Variants in CLCN7 observed in about 807,000 individuals in gnomAD.
CLCN7 encodes the protein H(+)/Cl(-) exchange transporter 7.
Under a neutral mutation model 102.1 loss-of-function variants are expected in CLCN7, and 60 were observed. The observed-to-expected ratio is 0.59, with a 90% confidence interval of 0.48 to 0.73. The LOEUF (loss-of-function observed/expected upper bound fraction) is 0.73, where lower values mean the gene tolerates loss of function less well. CLCN7 is among the 30% of genes least tolerant of loss of function. The pLI, the probability that CLCN7 is intolerant of heterozygous loss-of-function variation, is 0.00. For missense variants in CLCN7, 962 were observed against 1,125.7 expected, an observed-to-expected ratio of 0.85 and a Z score of 2.08; for synonymous variants, 560 against 490.5, an observed-to-expected ratio of 1.14 and a Z score of -1.87.
intron 12 of CLCN7, among the ~76,000 whole-genome samples, 196 bp from the exon 13 acceptor site, chr16:1,454,661 G>T (rs1283578437): frequency 6.6e-6 from 1 of 152,236 alleles, no homozygotes; most frequent in Admixed American, 6.5e-5. Flanking sequence ...GCCTGGCGGG[G>T]TGGCCAGCGA....
intron 9 of CLCN7, among the ~76,000 whole-genome samples, chr16:1,456,499 A>G (rs1176713557): frequency 1.3e-5 from 2 of 152,220 alleles, no homozygotes; most frequent in Non-Finnish European, 2.9e-5. Flanking sequence ...GCACGGATGG[A>G]AACCCAGCCT....
At position 1,457,399 on chromosome 16, in the gene CLCN7, A is replaced by G; in HGVS notation, c.739-62T>C. 6.8e-7 allele frequency: 1 copy of G among 1,470,562 alleles called. No individual in the cohort carries two copies. The highest frequency in any genetic ancestry group is 9.4e-7 in the Non-Finnish European group (1 of 1,058,528). 91.1% of individuals were successfully genotyped at this position (1,470,562 alleles called of 1,614,324 possible). A position where few individuals can be genotyped will look rare whatever the true frequency, so the allele number is the denominator to read the frequency against. ...TGACGCGGCCCTTCCTGGAGACCAG[A>G]AGGACCGATGCTCAGAGACACGCGT... On this transcript the variant is annotated intron_variant, in intron 8 of 24. Coordinates refer to ENST00000382745, the MANE Select transcript of CLCN7 (RefSeq NM_001287.6). This position sits in a 1 kb window ranked among gnomAD's most constrained non-coding sequence, Gnocchi z 5.4.
At chr16:1,470,117 C>T (rs141468632) in intron 1 of CLCN7, among the ~76,000 whole-genome samples, 2 of 152,340 alleles carry the variant, frequency 1.3e-5, no homozygotes, top group African/African-American at 4.8e-5. Flanking sequence ...ACACTAAGAG[C>T]GTGCTCAACC....
chr16:1,464,972 C>G (rs564701907), intron 2 of CLCN7, among the ~76,000 whole-genome samples: 18 of 152,198 alleles, frequency 1.2e-4, no homozygotes, highest in East Asian at 1.9e-4. Context: ...CACTGCCCCC[C>G]CAAGATCCCT....
chr16:1,464,808 C>T (rs558646099), intron 2 of CLCN7, among the ~76,000 whole-genome samples: 5 of 152,216 alleles, frequency 3.3e-5, no homozygotes, highest in Non-Finnish European at 7.4e-5. Flanking sequence ...GGGGAAAAAC[C>T]GAGGCCGGCG....
At chr16:1,461,293 AGAG>A in intron 4 of CLCN7, 109 bp downstream of exon 4, 6 of 941,328 alleles carry the variant, frequency 6.4e-6, no homozygotes. Context: ...AGGCGGAGTC[AGAG>A]GAGGAGGGAG....
chr16:1,448,671 G>A lies in CLCN7; in HGVS notation c.1883+10C>T, dbSNP rs749814550. ...ACCCTCCCCACCCACAGGTGTCCTG[G>A]GCGCTGTACCTGGCAGTGAGTGAGT... is the stretch of plus-strand genomic sequence containing the variant. On this transcript the variant is annotated intron_variant, in intron 20 of 24. Transcript: ENST00000382745. 6.2e-7 allele frequency: 1 copy of A among 1,612,488 alleles called. No individual in the cohort carries two copies. The highest frequency in any genetic ancestry group is 1.1e-5 in the South Asian group (1 of 91,084).
rs184170200 is a variant in CLCN7, at chr16:1,450,743, C to T, written c.1448-77G>A. 6.2e-5 allele frequency: 81 copies of T among 1,300,020 alleles called. 7 individuals carry two copies. The East Asian group carries it at 1.4e-3, about 22-fold the overall frequency. The allele number at this position is 1,300,020 out of a possible 1,614,324, so 80.5% of individuals were successfully genotyped here. ...ACTGCCCTGCCCCGCTGCCCAGTCT[C>T]GGGCCTCACAGTCACCTTCCAGGAG... is the stretch of plus-strand genomic sequence containing the variant. On this transcript the variant is annotated intron_variant, in intron 16 of 24. Transcript: ENST00000382745.
chr16:1,447,692 A>C lies in CLCN7; in HGVS notation c.2036T>G (p.Ile679Ser). 6.4e-7 allele frequency: 1 copy of C among 1,556,572 alleles called. No homozygotes were observed. The highest frequency in any genetic ancestry group is 1.2e-5 in the South Asian group (1 of 84,464). Residue 679 changes from isoleucine to serine, a missense_variant, in exon 22 of 25, where the codon ATC becomes AGC. This residue lies in a region of CLCN7 where 799 missense variants were observed against 988.0 expected (regional missense o/e 0.81). Coordinates refer to ENST00000382745, the MANE Select transcript of CLCN7 (RefSeq NM_001287.6). Reference protein sequence around the residue: ...DTQPARLQGLILRSQLIVLLK... With the variant: ...DTQPARLQGLSLRSQLIVLLK... ...GAGAACGATGAGCTGGGAGCGCAGG[A>C]TCAGGCCCTGGAGCCGGGCAGGCTG... is the stretch of plus-strand genomic sequence containing the variant.
In CLCN7 at chr16:1,446,401, G is replaced by T. The variant is rs899177207; in HGVS notation, c.*230C>A. ...TAAAGAAACCTAGACGAGGAGAGTG[G>T]AGGCTGGGCCTGCGCAAGGAGGCGC... On this transcript the variant is annotated 3_prime_UTR_variant, in exon 25 of 25. Coordinates refer to ENST00000382745, the MANE Select transcript of CLCN7 (RefSeq NM_001287.6). 2 of 702,420 alleles carry T rather than the reference G, an allele frequency of 2.8e-6. No homozygotes were observed. The highest frequency in any genetic ancestry group is 5.2e-6 in the Non-Finnish European group (2 of 384,860). The allele number at this position is 702,420 out of a possible 1,614,324, so 43.5% of individuals were successfully genotyped here.
At chr16:1,447,318 T>G in intron 23 of CLCN7, 74 bp downstream of exon 23, 2 of 1,096,016 alleles carry the variant, frequency 1.8e-6, no homozygotes, top group Non-Finnish European at 2.5e-6. Flanking sequence ...CGGCTGCCCC[T>G]CCCCGAGGCT....
In CLCN7 at chr16:1,457,768, G is replaced by A. The variant is rs777567412; in HGVS notation, c.676-12C>T. The A allele has an allele frequency of 4.3e-6, 7 of 1,613,258 alleles. No homozygotes were observed. The highest frequency in any genetic ancestry group is 5.9e-6 in the Non-Finnish European group (7 of 1,179,484). On this transcript the variant is annotated splice_polypyrimidine_tract_variant and intron_variant, in intron 7 of 24. Transcript: ENST00000382745. This position sits in a 1 kb window ranked among gnomAD's most constrained non-coding sequence, Gnocchi z 5.4. Reference sequence around the variant, plus strand: ...TTGATCACCAACGTCTGAAACACAGGGAGACGCATGGCCTCTGATGAAAAG... The same window carrying A: ...TTGATCACCAACGTCTGAAACACAGAGAGACGCATGGCCTCTGATGAAAAG...
chr16:1,456,772 T>C (rs1451455142), intron 9 of CLCN7, among the ~76,000 whole-genome samples: 2 of 148,084 alleles, frequency 1.4e-5, no homozygotes, highest in East Asian at 4.0e-4. Flanking sequence ...ACCTGGGAGG[T>C]GGAGGCTGCA....
intron 15 of CLCN7, chr16:1,451,923 G>A: frequency 1.7e-6 from 1 of 595,004 alleles, no homozygotes; most frequent in Non-Finnish European, 3.1e-6. Context: ...CGGAGGGAAA[G>A]GAGGACACAC....
chr16:1,448,802 C>T (rs1280329253), intron 19 of CLCN7, 36 bp from the exon 20 acceptor site: 5 of 1,604,474 alleles, frequency 3.1e-6, no homozygotes, highest in Non-Finnish European at 3.4e-6. Context: ...CTTGAGGAGT[C>T]CACACCCACC....
At chr16:1,447,156 G>A in intron 23 of CLCN7, 70 bp from the exon 24 acceptor site, 1 of 1,432,788 alleles carries the variant, frequency 7.0e-7, no homozygotes, top group Non-Finnish European at 9.5e-7. Flanking sequence ...ACCCAAGCTG[G>A]CTCCCTGCAC....
chr16:1,453,758 A>G (rs930767000), intron 14 of CLCN7, 76 bp downstream of exon 14: 6 of 1,389,564 alleles, frequency 4.3e-6, no homozygotes, highest in South Asian at 2.3e-5. Context: ...TGTAAACCCC[A>G]TTCCACCACG....
At position 1,461,586 on chromosome 16, in the gene CLCN7, G is replaced by T. The variant is rs2038937986; in HGVS notation, c.285+17C>A. 6.2e-7 allele frequency: 1 copy of T among 1,613,586 alleles called. No individual in the cohort carries two copies. The highest frequency in any genetic ancestry group is 8.5e-7 in the Non-Finnish European group (1 of 1,179,554). On this transcript the variant is annotated intron_variant, in intron 3 of 24. Transcript: ENST00000382745. ...AGAGGCCGGGTCTCAGGGTCAGGGG[G>T]ACAGAAGGACGCCCACCTCATACTT...
chr16:1,450,951 G>A (rs2038738537), intron 16 of CLCN7, among the ~76,000 whole-genome samples: 1 of 152,238 alleles, frequency 6.6e-6, no homozygotes, highest in South Asian at 2.1e-4. Context: ...GGGTCTAGCA[G>A]CGCCAGGTCT....
Sources: gnomAD v4.1 joint callset for allele counts (sites outside exome capture counted in the v4.1 genomes callset) on GRCh38, gnomAD v4.1.1 for gene constraint, gnomAD v4.1.1 regional missense constraint, Gnocchi (gnomAD v3.1) non-coding constraint, MANE v1.5 for transcripts, NCBI Gene and HGNC (gene_info 2026-07-23, HGNC 2026-07-21) for gene names.